The following MAP4K3 variants were observed in gnomAD, a reference collection of about 807,000 sequenced individuals.
MAP4K3 encodes the protein MAPK/ERK kinase kinase kinase 3.
In MAP4K3, 94 loss-of-function variants were observed where a neutral mutation model predicts 143.5. The observed-to-expected ratio is 0.65, with a 90% CI of 0.55 to 0.78. MAP4K3 has a LOEUF of 0.78. Ranked by LOEUF, MAP4K3 falls within the 30% of genes least tolerant of loss-of-function variation. MAP4K3 has a pLI of 0.00. For synonymous variants in MAP4K3, 416 were observed against 347.2 expected (o/e 1.20, Z -2.20); for missense variants, 1,077 against 1,068.1 (o/e 1.01, Z -0.12).
chr2:39,263,261 T>A (rs1001097115), intron 28 of MAP4K3, among the ~76,000 whole-genome samples: 1 of 151,290 alleles, frequency 6.6e-6, no homozygotes, highest in African/African-American at 2.4e-5. Context: ...AGACAAAATA[T>A]ACATATAGAA....
chr2:39,432,793 C>T (rs1665331409), intron 1 of MAP4K3, among the ~76,000 whole-genome samples: 1 of 152,082 alleles, frequency 6.6e-6, no homozygotes, highest in African/African-American at 2.4e-5. Flanking sequence ...CACCTTTTTT[C>T]CTGCCAGCTT....
At position 39,401,631 on chromosome 2, in the gene MAP4K3, T is replaced by C. The variant is rs1334031837; in HGVS notation, c.97-23508A>G. On this transcript the variant is annotated intron_variant, in intron 1 of 33. Coordinates refer to ENST00000263881, the MANE Select transcript of MAP4K3 (RefSeq NM_003618.4). ...CCTGGGTGACACGGCGAAACCCATC[T>C]CTACAAGAAAATACAAAAAAAAAGC... Among the ~76,000 whole-genome samples, 3 of 151,932 alleles carry C rather than the reference T, an allele frequency of 2.0e-5. No individual in the cohort carries two copies. In the East Asian group the frequency reaches 5.8e-4, roughly 29 times the overall value.
At chr2:39,260,966 A>T (rs1181211347) in intron 28 of MAP4K3, 189 bp from the exon 29 acceptor site, 1 of 514,676 alleles carries the variant, frequency 1.9e-6, no homozygotes, top group East Asian at 3.3e-5. Context: ...AAATATTTTA[A>T]AGTTATAATT....
intron 1 of MAP4K3, among the ~76,000 whole-genome samples, chr2:39,426,692 C>T (rs1412416826): frequency 6.6e-6 from 1 of 151,784 alleles, no homozygotes; most frequent in Non-Finnish European, 1.5e-5. Context: ...TTGCAATTAT[C>T]CTGTGAATTG....
rs181952763 is a variant in MAP4K3 at position 39,296,598 on chromosome 2, T to A, written c.1178+3145A>T. ...CACCAAAATACTCAGCATATTTGCA[T>A]TAGCTAAAGAATCAGTGCTGCGGTT... On this transcript the variant is annotated intron_variant, in intron 16 of 33. Coordinates refer to ENST00000263881, the MANE Select transcript of MAP4K3 (RefSeq NM_003618.4). Among the ~76,000 whole-genome samples the A allele has an allele frequency of 1.2e-4, 18 of 152,342 alleles. No homozygotes were observed. In the East Asian group the frequency reaches 1.9e-3, roughly 16 times the overall value.
intron 6 of MAP4K3, among the ~76,000 whole-genome samples, chr2:39,336,025 G>T (rs558858969): frequency 1.3e-5 from 2 of 152,140 alleles, no homozygotes; most frequent in East Asian, 3.9e-4. Context: ...GAAGGCACAA[G>T]AAAAATAAGT....
intron 32 of MAP4K3, among the ~76,000 whole-genome samples, chr2:39,252,827 C>A (rs1412820704): frequency 6.6e-6 from 1 of 152,218 alleles, no homozygotes; most frequent in African/African-American, 2.4e-5. Context: ...TCAGCATGCT[C>A]ACTTCAATGC....
At chr2:39,321,116 T>C (rs1455467152) in intron 12 of MAP4K3, among the ~76,000 whole-genome samples, 1 of 152,270 alleles carries the variant, frequency 6.6e-6, no homozygotes, top group East Asian at 1.9e-4. Flanking sequence ...CACCTTAGCA[T>C]TATATCCTTA....
At chr2:39,301,055 T>A (rs1206785981) in intron 15 of MAP4K3, among the ~76,000 whole-genome samples, 2 of 151,990 alleles carry the variant, frequency 1.3e-5, no homozygotes, top group Non-Finnish European at 2.9e-5. Flanking sequence ...AAACTAAGCC[T>A]CAAAATATAA....
chr2:39,339,086 A>G lies in MAP4K3; in HGVS notation c.311-1505T>C, dbSNP rs531688536. ...CTAGAAATTGAATTAAATTCCAAGG[A>G]TAAAAACCTTGGCTAGATAGTAAAC... On this transcript the variant is annotated intron_variant, in intron 4 of 33. Transcript: ENST00000263881. 9.5e-4 allele frequency among the ~76,000 whole-genome samples: 145 copies of G among 152,338 alleles called. 1 individual carries two copies. The highest frequency in any genetic ancestry group is 3.1e-3 in the African/African-American group (130 of 41,588).
In MAP4K3 at chr2:39,251,891, C is replaced by T. The variant is rs1472551862; in HGVS notation, c.2542-6G>A. The T allele has an allele frequency of 1.2e-6, 2 of 1,607,214 alleles. No homozygotes were observed. Among genetic ancestry groups the T allele is most frequent in the Admixed American group, 3.3e-5 (2 of 59,842 alleles). ...TCTGAAATTTCTTGTGTTACCTGTT[C>T]AATTAAAACACAAATTTAATTTCTG... On this transcript the variant is annotated splice_polypyrimidine_tract_variant and splice_region_variant and intron_variant, in intron 32 of 33. Coordinates refer to ENST00000263881, the MANE Select transcript of MAP4K3 (RefSeq NM_003618.4).
intron 2 of MAP4K3, among the ~76,000 whole-genome samples, chr2:39,363,004 G>A (rs557951313): frequency 6.6e-6 from 1 of 152,290 alleles, no homozygotes; most frequent in South Asian, 2.1e-4. Context: ...GCAAAAGAAT[G>A]ACATTGGACG....
chr2:39,290,064 G>A (rs1413413545), intron 19 of MAP4K3, among the ~76,000 whole-genome samples: 3 of 139,364 alleles, frequency 2.2e-5, no homozygotes, highest in African/African-American at 8.1e-5. Flanking sequence ...TCCAGCCTGG[G>A]TGACAGAGTG....
intron 1 of MAP4K3, among the ~76,000 whole-genome samples, chr2:39,416,385 A>G (rs1445892337): frequency 1.3e-5 from 2 of 152,270 alleles, no homozygotes; most frequent in East Asian, 1.9e-4. Context: ...GCTAACTGCA[A>G]TTCTGACCCA....
intron 15 of MAP4K3, among the ~76,000 whole-genome samples, chr2:39,300,240 C>A (rs1682454707): frequency 1.3e-5 from 2 of 152,156 alleles, no homozygotes; most frequent in South Asian, 4.1e-4. Context: ...ACTGCTGTTT[C>A]ACGCAGGTAA....
chr2:39,309,783 C>T (rs925062524), intron 13 of MAP4K3, among the ~76,000 whole-genome samples: 2 of 151,810 alleles, frequency 1.3e-5, no homozygotes, highest in South Asian at 2.1e-4. Context: ...TGGTCTCGAT[C>T]CCCTGACCTC....
chr2:39,326,911 G>A (rs1683509483), intron 8 of MAP4K3, among the ~76,000 whole-genome samples: 1 of 152,000 alleles, frequency 6.6e-6, no homozygotes, highest in African/African-American at 2.4e-5. Flanking sequence ...AGTTTTCTGA[G>A]GCCTCCCCAG....
rs190232502 is a variant in MAP4K3, at chr2:39,309,384, T to G, written c.1056+77A>C. On this transcript the variant is annotated intron_variant, in intron 14 of 33. Coordinates refer to ENST00000263881, the MANE Select transcript of MAP4K3 (RefSeq NM_003618.4). ...AAATATTAATGACTAGCTTTTTTGG[T>G]CAGTACTAATACATCACACAAAAAC... 1.1e-4 allele frequency: 111 copies of G among 1,048,614 alleles called. 1 individual carries two copies. The East Asian group carries it at 2.3e-3, about 21-fold the overall frequency. The allele number at this position is 1,048,614 out of a possible 1,614,324, so 65.0% of individuals were successfully genotyped here.
intron 26 of MAP4K3, among the ~76,000 whole-genome samples, chr2:39,268,966 G>A (rs1680895721): frequency 6.6e-6 from 1 of 152,008 alleles, no homozygotes; most frequent in Non-Finnish European, 1.5e-5. Flanking sequence ...TCACCATGTT[G>A]CCCAGGCTGG....
Sources: gnomAD v4.1 joint callset for allele counts (sites outside exome capture counted in the v4.1 genomes callset) on GRCh38, gnomAD v4.1.1 for gene constraint, MANE v1.5 for transcripts, NCBI Gene and HGNC (gene_info 2026-07-23, HGNC 2026-07-21) for gene names.